ZKSCAN7: variants seen among roughly 807,000 people sequenced by gnomAD.
ZKSCAN7 encodes the protein zinc finger with KRAB and SCAN domains 7.
In ZKSCAN7, 38 loss-of-function variants were observed where a neutral mutation model predicts 65.3. That is an observed-to-expected ratio of 0.58 (90% CI 0.45 to 0.76). The LOEUF is 0.76. Ranked by LOEUF, ZKSCAN7 falls within the 30% of genes least tolerant of loss-of-function variation. The pLI, the probability that ZKSCAN7 is intolerant of heterozygous loss-of-function variation, is 0.00. For synonymous variants in ZKSCAN7, 321 were observed against 321.0 expected, an observed-to-expected ratio of 1.00 and a Z score of 0.00; for missense variants, 815 against 913.3, an observed-to-expected ratio of 0.89 and a Z score of 1.39.
intron 5 of ZKSCAN7, among the ~76,000 whole-genome samples, chr3:44,579,014 T>G (rs1699991702): frequency 6.6e-6 from 1 of 152,148 alleles, no homozygotes. Context: ...AGAGGTCAGC[T>G]CGTGTGTGGA....
intron 5 of ZKSCAN7, chr3:44,582,907 CGTGTGTGTGTGTGTGT>C (rs4016043): frequency 0.03 from 10,574 of 353,414 alleles, 143 homozygotes; most frequent in Non-Finnish European, 0.039. Flanking sequence ...CATGAATATT[CGTGTGTGTGTGTGTGT>C]GTGTGTGTGT....
intron 2 of ZKSCAN7, among the ~76,000 whole-genome samples, chr3:44,558,782 A>ATTTTTTTTTTT (rs35709621): frequency 7.6e-5 from 7 of 92,710 alleles, no homozygotes; most frequent in Admixed American, 1.3e-4. Context: ...TTTCTTCTTC[A>ATTTTTTTTTTT]TTTTTTTTTT....
intron 2 of ZKSCAN7, among the ~76,000 whole-genome samples, chr3:44,561,732 G>T (rs932907221): frequency 6.6e-6 from 1 of 152,168 alleles, no homozygotes; most frequent in Non-Finnish European, 1.5e-5. Flanking sequence ...AACCAAGCAG[G>T]GCAGTCATTA....
downstream of ZKSCAN7, among the ~76,000 whole-genome samples, chr3:44,573,908 C>T (rs990265402): frequency 6.6e-6 from 1 of 152,170 alleles, no homozygotes; most frequent in African/African-American, 2.4e-5. Flanking sequence ...TGTGCCTTGA[C>T]ATCCTTAAAA....
chr3:44,558,539 A>AT (rs1384059107), intron 2 of ZKSCAN7, among the ~76,000 whole-genome samples: 1 of 150,708 alleles, frequency 6.6e-6, no homozygotes, highest in Non-Finnish European at 1.5e-5. Flanking sequence ...AAAAAAAAAA[A>AT]GAAAAGAAAG....
Position 44,571,211 on chromosome 3 carries a change from A to G in ZKSCAN7, c.2101A>G (p.Ser701Gly), listed in dbSNP as rs768761401. ...ATGCAATGATTGTGGGAAAGCTTTT[A>G]GTGACAGCTCACAGCTTATTGTACA... ...YKCNDCGKAF[S>G]DSSQLIVHQR... Residue 701 changes from serine to glycine, a missense_variant, in exon 6 of 6, where the codon AGT becomes GGT. By Grantham distance (56) the Ser-to-Gly change is moderately conservative (BLOSUM62 0). Transcript: ENST00000426540. The G allele has an allele frequency of 1.2e-6, 2 of 1,614,112 alleles. No individual in the cohort carries two copies. The highest frequency in any genetic ancestry group is 1.3e-5 in the African/African-American group (1 of 74,934).
chr3:44,578,498 T>C (rs946106375), intron 5 of ZKSCAN7, among the ~76,000 whole-genome samples: 2 of 152,228 alleles, frequency 1.3e-5, no homozygotes, highest in Non-Finnish European at 2.9e-5. Flanking sequence ...CCGCAGGGCC[T>C]GCTGCCCGGC....
intron 3 of ZKSCAN7, among the ~76,000 whole-genome samples, chr3:44,567,162 AAG>A (rs1210346779): frequency 2.2e-5 from 2 of 91,268 alleles, no homozygotes; most frequent in African/African-American, 4.2e-5. Flanking sequence ...AAGAAAGAAA[AAG>A]AGAAGAGAAA....
In ZKSCAN7 at chr3:44,557,082, T is replaced by A. The variant is rs558164826; in HGVS notation, c.35T>A (p.Ile12Asn). 1 of 1,614,180 alleles carries A rather than the reference T, an allele frequency of 6.2e-7. No individual in the cohort carries two copies. Among genetic ancestry groups the A allele is most frequent in the African/African-American group, 1.3e-5 (1 of 75,036 alleles). ...TTAGRGNLGLIPRSTAFQKQE... is the reference protein window; with the variant it reads ...TTAGRGNLGLNPRSTAFQKQE... ...GCAGGCAGGGGAAATTTAGGCCTCA[T>A]CCCCAGGAGCACTGCTTTCCAGAAG... The change falls in exon 2 of 6, where the codon ATC becomes AAC. Residue 12 changes from isoleucine (I) to asparagine (N), a missense_variant. By Grantham distance (149) the Ile-to-Asn change is moderately radical. Coordinates refer to ENST00000426540, the MANE Select transcript of ZKSCAN7 (RefSeq NM_001288590.2).
At chr3:44,581,095 C>A in intron 5 of ZKSCAN7, 5 of 1,013,922 alleles carry the variant, frequency 4.9e-6, no homozygotes, top group Non-Finnish European at 4.7e-6. Flanking sequence ...AGGGGCTCAG[C>A]GCGGCCGCCG....
At chr3:44,556,904 C>A in intron 1 of ZKSCAN7, 26 bp from the exon 2 acceptor site, 1 of 1,112,718 alleles carries the variant, frequency 9.0e-7, no homozygotes, top group Non-Finnish European at 1.3e-6. Flanking sequence ...ACTCCAAGAA[C>A]TCTGATTTCA....
downstream of ZKSCAN7, among the ~76,000 whole-genome samples, chr3:44,576,092 C>T (rs189874725): frequency 7.3e-4 from 111 of 152,100 alleles, no homozygotes; most frequent in Non-Finnish European, 1.3e-3. Context: ...CAGTAGCATC[C>T]TTGCAGTTTT....
chr3:44,576,929 C>T (rs1699933565), downstream of ZKSCAN7, among the ~76,000 whole-genome samples: 1 of 152,002 alleles, frequency 6.6e-6, no homozygotes, highest in Non-Finnish European at 1.5e-5. Flanking sequence ...GAAAACCCTT[C>T]AGTCACAAGT....
At chr3:44,581,045 G>A (rs1204066610) in intron 5 of ZKSCAN7, 6 of 1,526,346 alleles carry the variant, frequency 3.9e-6, no homozygotes, top group African/African-American at 2.8e-5. Context: ...CGGCGGCGGC[G>A]GCGGCGCAGG....
chr3:44,580,265 A>G, intron 5 of ZKSCAN7: 1 of 1,613,858 alleles, frequency 6.2e-7, no homozygotes, highest in South Asian at 1.1e-5. Context: ...CTTTGCGGCC[A>G]CAGTCCATGC....
intron 5 of ZKSCAN7, 181 bp downstream of exon 5, chr3:44,568,614 A>T: frequency 2.3e-6 from 2 of 878,300 alleles, no homozygotes; most frequent in South Asian, 4.0e-5. Flanking sequence ...CATACTCTTC[A>T]CCTCATTATG....
chr3:44,557,123 A>T lies in ZKSCAN7; in HGVS notation c.76A>T (p.Thr26Ser). Residue 26 changes from threonine (T) to serine (S), a missense_variant, in exon 2 of 6, where the codon ACT becomes TCT. Coordinates refer to ENST00000426540, the MANE Select transcript of ZKSCAN7 (RefSeq NM_001288590.2). ...TTTCCAGAAGCAAGAGGGGCGCCTG[A>T]CTGTGAAGCAGGAGCCAGCAAACCA... is the stretch of plus-strand genomic sequence containing the variant. Reference protein sequence around the residue: ...TAFQKQEGRLTVKQEPANQTW... With the variant: ...TAFQKQEGRLSVKQEPANQTW... The T allele has an allele frequency of 6.2e-7, 1 of 1,614,254 alleles. No individual in the cohort carries two copies.
chr3:44,558,540 GAAAA>G (rs1432955919), intron 2 of ZKSCAN7, among the ~76,000 whole-genome samples: 3 of 141,380 alleles, frequency 2.1e-5, no homozygotes, highest in Non-Finnish European at 4.7e-5. Flanking sequence ...AAAAAAAAAA[GAAAA>G]GAAAGAGAGA....
Position 44,557,207 on chromosome 3 carries a change from C to T in ZKSCAN7, c.160C>T (p.Arg54Trp), listed in dbSNP as rs751930718. ...KNYPPVCEIF[R>W]LHFRQLCYHE... ...CTATCCTCCTGTCTGCGAAATCTTC[C>T]GGCTACACTTCAGGCAATTGTGTTA... The change falls in exon 2 of 6, where the codon CGG (arginine) becomes TGG (tryptophan). Residue 54 changes from arginine (R) to tryptophan (W), a missense_variant. Physicochemically the swap from Arg to Trp is moderately radical, Grantham distance 101. This residue lies in a region of ZKSCAN7 where 227 missense variants were observed against 253.3 expected (regional missense o/e 0.90). Coordinates refer to ENST00000426540, the MANE Select transcript of ZKSCAN7 (RefSeq NM_001288590.2). 1.5e-5 allele frequency: 25 copies of T among 1,614,124 alleles called. No individual in the cohort carries two copies. Among genetic ancestry groups the T allele is most frequent in the African/African-American group, 5.3e-5 (4 of 74,932 alleles).
Sources: allele counts gnomAD v4.1 joint callset (sites outside exome capture counted in the v4.1 genomes callset), GRCh38; gene constraint gnomAD v4.1.1; regional missense constraint gnomAD v4.1.1; transcripts MANE v1.5; gene names NCBI Gene and HGNC (gene_info 2026-07-23, HGNC 2026-07-21).